Variants in SENP5 observed in about 807,000 individuals in gnomAD.
SENP5 encodes the protein sentrin-specific protease 5.
In SENP5, 21 loss-of-function variants were observed where a neutral mutation model predicts 74.2. That is an observed-to-expected ratio of 0.28 (90% CI 0.20 to 0.41). The LOEUF is 0.41. Among genes scored for constraint, SENP5 ranks in the 10% least tolerant of loss-of-function variants. The probability of loss-of-function intolerance (pLI) is 1.00; values close to 1 mark genes in which losing one functional copy is unlikely to be tolerated. For synonymous variants in SENP5, 311 were observed against 312.7 expected (o/e 0.99, Z 0.06); for missense variants, 717 against 889.1 (o/e 0.81, Z 2.46).
chr3:196,930,996 A>G lies in SENP5; in HGVS notation c.*73A>G. On this transcript the variant is annotated 3_prime_UTR_variant, in exon 10 of 10. Transcript: ENST00000323460. Reference sequence around the variant, plus strand: ...TTGTTACTTGAATCTCCAAACACTTAGTTGAATTTTTACAGATATTTCAGA... The same window carrying G: ...TTGTTACTTGAATCTCCAAACACTTGGTTGAATTTTTACAGATATTTCAGA... The G allele has an allele frequency of 3.2e-6, 3 of 933,190 alleles. No individual in the cohort carries two copies. The highest frequency in any genetic ancestry group is 5.3e-6 in the Non-Finnish European group (3 of 570,788). The allele number at this position is 933,190 out of a possible 1,614,324, so 57.8% of individuals were successfully genotyped here.
intron 2 of SENP5, among the ~76,000 whole-genome samples, chr3:196,898,959 G>C (rs13090426): frequency 0.19 from 28,920 of 151,860 alleles, 3,528 homozygotes; most frequent in Non-Finnish European, 0.24. Context: ...GGCGCCTGTA[G>C]TCACAGCTAT....
intron 9 of SENP5, among the ~76,000 whole-genome samples, chr3:196,930,340 G>C (rs555923923): frequency 6.6e-6 from 1 of 152,288 alleles, no homozygotes; most frequent in South Asian, 2.1e-4. Flanking sequence ...TTCATCAGTT[G>C]CTGCTTTTCA....
intron 1 of SENP5, among the ~76,000 whole-genome samples, chr3:196,870,089 A>G (rs900884902): frequency 2.0e-5 from 3 of 152,146 alleles, no homozygotes; most frequent in Non-Finnish European, 2.9e-5. Context: ...CATCTGATTG[A>G]AGTAGATCAC....
At chr3:196,918,122 C>A (rs58641481) in intron 6 of SENP5, among the ~76,000 whole-genome samples, 2 of 151,048 alleles carry the variant, frequency 1.3e-5, no homozygotes, top group East Asian at 1.9e-4. Context: ...CTGGCTAACA[C>A]GGTGAAACTC....
At chr3:196,895,446 A>C (rs936837129) in intron 2 of SENP5, among the ~76,000 whole-genome samples, 2 of 152,030 alleles carry the variant, frequency 1.3e-5, no homozygotes, top group Non-Finnish European at 2.9e-5. Context: ...TCGGCTTCCC[A>C]AAGTGCTGGG....
intron 1 of SENP5, among the ~76,000 whole-genome samples, chr3:196,873,175 GC>G (rs1713293322): frequency 1.3e-5 from 2 of 148,960 alleles, no homozygotes; most frequent in South Asian, 4.2e-4. Context: ...CCAGGTTCAA[GC>G]AATTGTCCTG....
intron 6 of SENP5, among the ~76,000 whole-genome samples, chr3:196,907,453 C>A (rs1213480474): frequency 5.2e-3 from 599 of 114,866 alleles, no homozygotes; most frequent in Middle Eastern, 9.9e-3. Context: ...GACTCCGTCT[C>A]AAAAAAAAAA....
chr3:196,874,938 CT>C (rs998371916), intron 1 of SENP5, among the ~76,000 whole-genome samples: 1 of 151,762 alleles, frequency 6.6e-6, no homozygotes, highest in Non-Finnish European at 1.5e-5. Flanking sequence ...TCTCTTCTAC[CT>C]TTTACAAATT....
rs1322615148 is a variant in SENP5 at position 196,932,316 on chromosome 3, G to A, written c.*1393G>A. 2 of 153,706 alleles carry A rather than the reference G, an allele frequency of 1.3e-5. No individual in the cohort carries two copies. Among genetic ancestry groups the A allele is most frequent in the Admixed American group, 6.5e-5 (1 of 15,298 alleles). 9.5% of individuals were successfully genotyped at this position (153,706 alleles called of 1,614,324 possible). A position where few individuals can be genotyped will look rare whatever the true frequency, so the allele number is the denominator to read the frequency against. On this transcript the variant is annotated 3_prime_UTR_variant, in exon 10 of 10. Coordinates refer to ENST00000323460, the MANE Select transcript of SENP5 (RefSeq NM_152699.5). ...ACAAAGTAAATGGCAGAAGATTCTC[G>A]AGTTTATGCCCGCGTAGGTTTGGAG... is the stretch of plus-strand genomic sequence containing the variant.
intron 2 of SENP5, among the ~76,000 whole-genome samples, chr3:196,898,525 T>G (rs1296637079): frequency 4.0e-5 from 6 of 150,670 alleles, no homozygotes; most frequent in African/African-American, 1.2e-4. Flanking sequence ...AGCCCAGGAG[T>G]TTGAGGCTGT....
chr3:196,883,645 T>C (rs1713822331), intron 1 of SENP5, among the ~76,000 whole-genome samples: 1 of 152,284 alleles, frequency 6.6e-6, no homozygotes, highest in Non-Finnish European at 1.5e-5. Flanking sequence ...TAGGTATATG[T>C]TGCCTCTGCT....
Position 196,929,675 on chromosome 3 carries a change from G to A in SENP5, c.2149G>A (p.Val717Met), listed in dbSNP as rs751419016. Reference protein sequence around the residue: ...QKNDSDCGVFVLQYCKCLALE... With the variant: ...QKNDSDCGVFMLQYCKCLALE... ...AAACGACAGTGACTGTGGAGTCTTT[G>A]TGCTCCAGGTAAAGAAACACTTGCT... is the stretch of plus-strand genomic sequence containing the variant. The change falls in exon 9 of 10, where the codon GTG (valine) becomes ATG (methionine). Residue 717 changes from valine (V) to methionine (M), a missense_variant. Physicochemically the swap from Val to Met is conservative, Grantham distance 21. This residue lies in a region of SENP5 where 85 missense variants were observed against 188.9 expected (regional missense o/e 0.45). Coordinates refer to ENST00000323460, the MANE Select transcript of SENP5 (RefSeq NM_152699.5). 24 of 1,607,280 alleles carry A rather than the reference G, an allele frequency of 1.5e-5. No homozygotes were observed. Among genetic ancestry groups the A allele is most frequent in the Non-Finnish European group, 2.0e-5 (24 of 1,175,410 alleles).
intron 6 of SENP5, among the ~76,000 whole-genome samples, chr3:196,916,195 C>T (rs1248364715): frequency 4.0e-5 from 6 of 151,896 alleles, no homozygotes; most frequent in African/African-American, 9.7e-5. Context: ...GGCGTGGTGG[C>T]GGGCACCTGT....
At chr3:196,869,152 A>G (rs1309147610) in intron 1 of SENP5, among the ~76,000 whole-genome samples, 1 of 150,400 alleles carries the variant, frequency 6.6e-6, no homozygotes, top group Non-Finnish European at 1.5e-5. Flanking sequence ...AAAGCTTGGT[A>G]TGTAGAGGAG....
intron 8 of SENP5, among the ~76,000 whole-genome samples, chr3:196,929,016 C>T (rs961655576): frequency 4.6e-5 from 7 of 152,084 alleles, no homozygotes; most frequent in African/African-American, 1.7e-4. Context: ...ATGGTGAGAC[C>T]TCATCTCTAC....
rs1189402159 is a variant in SENP5 at position 196,886,339 on chromosome 3, C to T, written c.1158C>T (p.Phe386=). The stretch of plus-strand genomic sequence containing the variant: ...CAGAACATCGTTCTAATACCATGTT[C>T]ATTTCAGAAACTGAAAGAGAAATTA... The part of the protein sequence containing the change: ...PLPEHRSNTM[F]ISETEREIMT... Residue 386 remains phenylalanine, a synonymous_variant, in exon 2 of 10, where the codon TTC becomes TTT. Transcript: ENST00000323460. 1.9e-6 allele frequency: 3 copies of T among 1,613,712 alleles called. No individual in the cohort carries two copies. The highest frequency in any genetic ancestry group is 2.5e-6 in the Non-Finnish European group (3 of 1,179,864).
intron 6 of SENP5, among the ~76,000 whole-genome samples, chr3:196,916,353 C>G (rs1022233434): frequency 5.3e-5 from 8 of 151,666 alleles, no homozygotes; most frequent in Non-Finnish European, 8.8e-5. Context: ...AAAAAACATG[C>G]AGGAAAACAT....
At chr3:196,888,092 A>C (rs1714051484) in intron 2 of SENP5, among the ~76,000 whole-genome samples, 1 of 152,048 alleles carries the variant, frequency 6.6e-6, no homozygotes, top group African/African-American at 2.4e-5. Context: ...CCTATATTTG[A>C]CTTTGAGGCT....
At chr3:196,899,194 T>C (rs1714593235) in intron 2 of SENP5, among the ~76,000 whole-genome samples, 1 of 152,218 alleles carries the variant, frequency 6.6e-6, no homozygotes, top group South Asian at 2.1e-4. Context: ...TGTCCCTTGC[T>C]GATACTAAAG....
Sources: gnomAD v4.1 joint callset for allele counts (sites outside exome capture counted in the v4.1 genomes callset) on GRCh38, gnomAD v4.1.1 for gene constraint, gnomAD v4.1.1 regional missense constraint, MANE v1.5 for transcripts, NCBI Gene and HGNC (gene_info 2026-07-23, HGNC 2026-07-21) for gene names.